The following TPP2 variants were observed in gnomAD, a reference collection of about 807,000 sequenced individuals.
TPP2 encodes the protein tripeptidyl peptidase 2.
TPP2 carries 34 observed loss-of-function variants against 155.9 expected under a neutral mutation model. The observed-to-expected ratio is 0.22, with a 90% CI of 0.17 to 0.29. TPP2 has a LOEUF of 0.29. Ranked by LOEUF, TPP2 falls within the 10% of genes least tolerant of loss-of-function variation. The pLI is 1.00. For missense variants in TPP2, 1,028 were observed against 1,522.3 expected (o/e 0.68, Z 5.40); for synonymous variants, 510 against 529.4 (o/e 0.96, Z 0.50).
intron 4 of TPP2, among the ~76,000 whole-genome samples, chr13:102,616,869 G>A (rs1164471161): frequency 6.6e-6 from 1 of 151,664 alleles, no homozygotes; most frequent in African/African-American, 2.4e-5. Context: ...TGCCTATTTT[G>A]ATTTGTGTAA....
intron 1 of TPP2, among the ~76,000 whole-genome samples, chr13:102,602,718 T>C (rs1164247118): frequency 6.6e-6 from 1 of 152,190 alleles, no homozygotes; most frequent in Non-Finnish European, 1.5e-5. Flanking sequence ...GCAGAGGAAA[T>C]ACTTGTGTTG....
chr13:102,674,202 A>G, intron 27 of TPP2, 81 bp from the exon 28 acceptor site: 1 of 1,402,620 alleles, frequency 7.1e-7, no homozygotes. Context: ...GCAAAAGAAT[A>G]CATGAATTTA....
chr13:102,671,333 A>G (rs188779581), intron 27 of TPP2, among the ~76,000 whole-genome samples: 84 of 152,304 alleles, frequency 5.5e-4, no homozygotes, highest in African/African-American at 2.0e-3. Context: ...AAAATGGGCA[A>G]ATTCCAAGGG....
chr13:102,601,618 C>T (rs1595125797), intron 1 of TPP2, among the ~76,000 whole-genome samples: 1 of 152,214 alleles, frequency 6.6e-6, no homozygotes, highest in South Asian at 2.1e-4. Flanking sequence ...CCGATACTAA[C>T]TGCCCATGCT....
At position 102,604,895 on chromosome 13, in the gene TPP2, G is replaced by A; in HGVS notation, c.268G>A (p.Val90Ile). Residue 90 changes from valine (V) to isoleucine (I), a missense_variant, in exon 2 of 30, where the codon GTT becomes ATT. Physicochemically the swap from Val to Ile is conservative, Grantham distance 29 (BLOSUM62 3). Around this residue, in one of 7 missense-constraint regions of TPP2, gnomAD observed 300 missense variants for 398.3 expected, o/e 0.75. Transcript: ENST00000376052. ...AGTAGAGCCAAAGGATGGTGAGATTGTTGGCCTTTCAGGAAGAGTGCTTAA... is the reference window on the plus strand; with the variant it reads ...AGTAGAGCCAAAGGATGGTGAGATTATTGGCCTTTCAGGAAGAGTGCTTAA... ...TEVEPKDGEI[V>I]GLSGRVLKIP... The A allele has an allele frequency of 6.2e-7, 1 of 1,613,934 alleles. No homozygotes were observed. Among genetic ancestry groups the A allele is most frequent in the Admixed American group, 1.7e-5 (1 of 59,986 alleles).
At chr13:102,666,766 C>CTTTTTTTTTTTTATTTTTTT (rs1884628323) in intron 27 of TPP2, among the ~76,000 whole-genome samples, 1 of 55,732 alleles carries the variant, frequency 1.8e-5, no homozygotes, top group African/African-American at 7.7e-5. Context: ...TTTTTAATCT[C>CTTTTTTTTTTTTATTTTTTT]TTTTTTTTTT....
At chr13:102,602,951 G>A (rs1879546546) in intron 1 of TPP2, among the ~76,000 whole-genome samples, 1 of 149,260 alleles carries the variant, frequency 6.7e-6, no homozygotes. Context: ...CAGTCGTTGT[G>A]TCTCTGTTTT....
chr13:102,618,987 A>C lies in TPP2; in HGVS notation c.620+141A>C, dbSNP rs896695657. On this transcript the variant is annotated intron_variant, in intron 5 of 29. Coordinates refer to ENST00000376052, the MANE Select transcript of TPP2 (RefSeq NM_001330588.2). ...AAAATCATTTAAGGGCCAAATTGGC[A>C]TCTGGGTAGTTTTGGACAAGCCCCT... The C allele has an allele frequency of 2.6e-5, 28 of 1,078,834 alleles. 1 individual carries two copies. The Middle Eastern group carries it at 1.1e-3, about 44-fold the overall frequency. 66.8% of individuals were successfully genotyped at this position (1,078,834 alleles called of 1,614,324 possible).
chr13:102,662,496 C>A (rs1218108792), intron 25 of TPP2, among the ~76,000 whole-genome samples: 2 of 151,918 alleles, frequency 1.3e-5, no homozygotes, highest in Non-Finnish European at 2.9e-5. Context: ...ACTTTAAAAA[C>A]CTTAGAACAT....
At chr13:102,628,071 CT>C (rs1270515035) in intron 8 of TPP2, 147 bp downstream of exon 8, 5 of 651,408 alleles carry the variant, frequency 7.7e-6, no homozygotes, top group African/African-American at 5.6e-5. Context: ...GACTTTCATC[CT>C]CTTGAAGTCC....
rs1302450531 is a variant in TPP2 at position 102,679,082 on chromosome 13, A to G, written c.*766A>G. On this transcript the variant is annotated 3_prime_UTR_variant, in exon 30 of 30. Transcript: ENST00000376052. ...GAAATAATGTAAAACACATGAATAA[A>G]TTTGCAAAACCAAGATCACAGTACA... is the stretch of plus-strand genomic sequence containing the variant. The G allele has an allele frequency of 6.6e-6, 1 of 152,592 alleles. No homozygotes were observed. Among genetic ancestry groups the G allele is most frequent in the African/African-American group, 2.4e-5 (1 of 41,434 alleles). 9.5% of individuals were successfully genotyped at this position (152,592 alleles called of 1,614,324 possible). A position where few individuals can be genotyped will look rare whatever the true frequency, so the allele number is the denominator to read the frequency against.
intron 5 of TPP2, among the ~76,000 whole-genome samples, chr13:102,619,168 G>A (rs1880965488): frequency 6.6e-6 from 1 of 152,180 alleles, no homozygotes; most frequent in Non-Finnish European, 1.5e-5. Context: ...AGGGCTTTGT[G>A]AAAATTAAAT....
chr13:102,678,229 G>A lies in TPP2; in HGVS notation c.3702G>A (p.Leu1234=). The change falls in exon 30 of 30, where the codon CTG becomes CTA. Residue 1234 remains leucine (L), a splice_region_variant and synonymous_variant. Transcript: ENST00000376052. ...TKENWKNCIQ[L]MKLLGWTHCA... ...TATATTATTGTATTTTGTTGTAGCTGATGAAGTTACTTGGATGGACCCATT... is the reference window on the plus strand; with the variant it reads ...TATATTATTGTATTTTGTTGTAGCTAATGAAGTTACTTGGATGGACCCATT... 1 of 1,610,934 alleles carries A rather than the reference G, an allele frequency of 6.2e-7. No homozygotes were observed. Among genetic ancestry groups the A allele is most frequent in the Non-Finnish European group, 8.5e-7 (1 of 1,178,842 alleles).
intron 27 of TPP2, chr13:102,667,742 C>T (rs1884700032): frequency 2.0e-6 from 2 of 985,434 alleles, no homozygotes; most frequent in Non-Finnish European, 2.4e-6. Flanking sequence ...ATGCAGATTA[C>T]CTGTGTCACC....
intron 23 of TPP2, 43 bp downstream of exon 23, chr13:102,649,529 A>G (rs948508882): frequency 1.3e-6 from 2 of 1,526,158 alleles, no homozygotes; most frequent in East Asian, 2.3e-5. Flanking sequence ...CTATTAAAAA[A>G]TTTCATTTCT....
In TPP2 at chr13:102,644,617, A is replaced by G. The variant is rs143064726; in HGVS notation, c.2236A>G (p.Ile746Val). ...GTGGGCAAGTCTCAGTGATGTCAAC[A>G]TTGATTATACCATTTCTTTCCATGG... ...RWWASLSDVN[I>V]DYTISFHGIV... The change falls in exon 18 of 30, where the codon ATT becomes GTT. Residue 746 changes from isoleucine (I) to valine (V), a missense_variant. By Grantham distance (29) the Ile-to-Val change is conservative. This residue lies in a region of TPP2 where 325 missense variants were observed against 463.7 expected (regional missense o/e 0.70). Coordinates refer to ENST00000376052, the MANE Select transcript of TPP2 (RefSeq NM_001330588.2). 3.1e-6 allele frequency: 5 copies of G among 1,613,156 alleles called. No individual in the cohort carries two copies. Among genetic ancestry groups the G allele is most frequent in the Non-Finnish European group, 3.4e-6 (4 of 1,179,650 alleles).
At chr13:102,672,482 C>T (rs921994078) in intron 27 of TPP2, among the ~76,000 whole-genome samples, 3 of 152,152 alleles carry the variant, frequency 2.0e-5, no homozygotes, top group African/African-American at 2.4e-5. Context: ...AATCCTCTTT[C>T]GAAGCTTTTG....
intron 27 of TPP2, among the ~76,000 whole-genome samples, chr13:102,668,106 A>G (rs528767376): frequency 6.6e-6 from 1 of 152,308 alleles, no homozygotes; most frequent in South Asian, 2.1e-4. Flanking sequence ...GGAGTAGTCA[A>G]ATTTGTCTAG....
intron 2 of TPP2, among the ~76,000 whole-genome samples, chr13:102,608,607 C>T (rs982978429): frequency 1.3e-5 from 2 of 152,066 alleles, no homozygotes; most frequent in Admixed American, 1.3e-4. Flanking sequence ...TTTTTAATTG[C>T]AAAAGCCCCT....
Sources: gnomAD v4.1 joint callset for allele counts (sites outside exome capture counted in the v4.1 genomes callset) on GRCh38, gnomAD v4.1.1 for gene constraint, gnomAD v4.1.1 regional missense constraint, MANE v1.5 for transcripts, NCBI Gene and HGNC (gene_info 2026-07-23, HGNC 2026-07-21) for gene names.